The following FRMPD2 variants were observed in gnomAD, a reference collection of about 807,000 sequenced individuals.
The protein encoded by FRMPD2 is FERM and PDZ domain-containing protein 2.
In FRMPD2, 96 loss-of-function variants were observed where a neutral mutation model predicts 140.1. That is an observed-to-expected ratio of 0.69 (90% CI 0.58 to 0.81). FRMPD2 has a LOEUF of 0.81. FRMPD2 is among the 40% of genes least tolerant of loss of function. The pLI is 0.00. For synonymous variants in FRMPD2, 449 were observed against 547.6 expected, an observed-to-expected ratio of 0.82 and a Z score of 2.52; for missense variants, 1,240 against 1,447.4, an observed-to-expected ratio of 0.86 and a Z score of 2.32.
rs767590164 is a variant in FRMPD2 at position 48,192,765 on chromosome 10, G to A, written c.2084C>T (p.Ala695Val). Reference protein sequence around the residue: ...ELFVSRLQGAAGGLLSTSMDN... With the variant: ...ELFVSRLQGAVGGLLSTSMDN... ...CATTGATGTACTCAGCAGGCCTCCTGCAGCACCCTGAAGCCTGGATACAAA... is the reference window on the plus strand; with the variant it reads ...CATTGATGTACTCAGCAGGCCTCCTACAGCACCCTGAAGCCTGGATACAAA... The change falls in exon 16 of 29, where the codon GCA becomes GTA. Residue 695 changes from alanine (A) to valine (V), a missense_variant. By Grantham distance (64) the Ala-to-Val change is moderately conservative. Transcript: ENST00000374201. 1.2e-6 allele frequency: 2 copies of A among 1,614,124 alleles called. No individual in the cohort carries two copies. The highest frequency in any genetic ancestry group is 3.3e-5 in the Admixed American group (2 of 60,016).
rs1207933175 is a variant in FRMPD2, at chr10:48,274,624, G to T, written c.-57C>A. The T allele has an allele frequency of 1.9e-6, 3 of 1,556,928 alleles. No homozygotes were observed. The highest frequency in any genetic ancestry group is 2.7e-5 in the African/African-American group (2 of 73,616). On this transcript the variant is annotated 5_prime_UTR_variant, in exon 1 of 29. Transcript: ENST00000374201. ...CATCATGGGACAACTTTCCAACAAGGAGCAGGGGTCTCTTGCAAGTCTGTC... is the reference window on the plus strand; with the variant it reads ...CATCATGGGACAACTTTCCAACAAGTAGCAGGGGTCTCTTGCAAGTCTGTC...
rs35165586 is a variant in FRMPD2 at position 48,181,858 on chromosome 10, C to CATATATATAT, written c.2585-860_2585-851dup. 6.7e-3 allele frequency among the ~76,000 whole-genome samples: 536 copies of CATATATATAT among 79,776 alleles called. 32 individuals are homozygous for CATATATATAT. Among genetic ancestry groups the CATATATATAT allele is most frequent in the African/African-American group, 0.019 (441 of 23,074 alleles). 52.3% of individuals were successfully genotyped at this position (79,776 alleles called of 152,430 possible). A position where few individuals can be genotyped will look rare whatever the true frequency, so the allele number is the denominator to read the frequency against. On this transcript the variant is annotated intron_variant, in intron 20 of 28. Coordinates refer to ENST00000374201, the MANE Select transcript of FRMPD2 (RefSeq NM_001018071.4). Reference sequence around the variant, plus strand: ...ATATATGAAAGAATATATATTCCCTCATATATATATATATATATATGGCTC... The same window carrying CATATATATAT: ...ATATATGAAAGAATATATATTCCCTCATATATATATATATATATATATATATATATGGCTC...
At chr10:48,268,438 T>C (rs1182161329) in intron 1 of FRMPD2, among the ~76,000 whole-genome samples, 5 of 152,246 alleles carry the variant, frequency 3.3e-5, no homozygotes, top group African/African-American at 1.2e-4. Context: ...CAAAGCTGCA[T>C]GTGAACGTGT....
At chr10:48,232,040 A>G (rs1839858802) in intron 10 of FRMPD2, 75 bp downstream of exon 10, 1 of 1,393,190 alleles carries the variant, frequency 7.2e-7, no homozygotes, top group Non-Finnish European at 1.0e-6. Flanking sequence ...CCCAGAAGAA[A>G]CAGAGCTCAG....
chr10:48,252,909 C>G (rs1370395856), intron 1 of FRMPD2, among the ~76,000 whole-genome samples: 1 of 149,524 alleles, frequency 6.7e-6, no homozygotes, highest in Non-Finnish European at 1.5e-5. Context: ...CTTTCCTTTT[C>G]TTTCGTTTTT....
At chr10:48,242,407 G>T in intron 4 of FRMPD2, 55 bp from the exon 5 acceptor site, 2 of 1,508,140 alleles carry the variant, frequency 1.3e-6, no homozygotes, top group South Asian at 1.2e-5. Flanking sequence ...GCCACTACGA[G>T]GCCAGCACCT....
chr10:48,189,408 C>G (rs967141905), intron 16 of FRMPD2, among the ~76,000 whole-genome samples: 1 of 152,214 alleles, frequency 6.6e-6, no homozygotes, highest in Admixed American at 6.5e-5. Context: ...CTGTACCTCA[C>G]GGCAGGCAGC....
intron 9 of FRMPD2, among the ~76,000 whole-genome samples, chr10:48,235,328 T>C (rs930195271): frequency 2.0e-5 from 3 of 152,214 alleles, no homozygotes; most frequent in Non-Finnish European, 4.4e-5. Flanking sequence ...GCTGCATAAA[T>C]TGATGCAGCT....
At chr10:48,188,530 G>A (rs12359475) in intron 16 of FRMPD2, among the ~76,000 whole-genome samples, 27,244 of 152,212 alleles carry the variant, frequency 0.18, 3,135 homozygotes, top group Non-Finnish European at 0.26. Context: ...GTAAAGGGTG[G>A]GTCAGGCATG....
At chr10:48,223,339 C>T in intron 10 of FRMPD2, 69 bp from the exon 11 acceptor site, 1 of 1,481,580 alleles carries the variant, frequency 6.7e-7, no homozygotes, top group Non-Finnish European at 9.2e-7. Context: ...AGACTCATAG[C>T]CCTAAGCCCT....
intron 5 of FRMPD2, among the ~76,000 whole-genome samples, chr10:48,241,752 AG>A (rs2131947779): frequency 6.6e-6 from 1 of 152,316 alleles, no homozygotes; most frequent in South Asian, 2.1e-4. Context: ...AGCAGAGGGG[AG>A]GGTACCCAGG....
In FRMPD2 at chr10:48,244,864, A is replaced by G. The variant is rs1197020726; in HGVS notation, c.310-15T>C. ...TAGACATGCATCTGCCCAAAAGAAG[A>G]GTACATGATTAGATTTCAATCATCT... On this transcript the variant is annotated splice_polypyrimidine_tract_variant and intron_variant, in intron 3 of 28. Coordinates refer to ENST00000374201, the MANE Select transcript of FRMPD2 (RefSeq NM_001018071.4). 1 of 1,579,990 alleles carries G rather than the reference A, an allele frequency of 6.3e-7. No homozygotes were observed. Among genetic ancestry groups the G allele is most frequent in the Non-Finnish European group, 8.7e-7 (1 of 1,148,978 alleles).
chr10:48,184,226 C>T (rs117038308), intron 20 of FRMPD2, among the ~76,000 whole-genome samples: 488 of 151,192 alleles, frequency 3.2e-3, no homozygotes, highest in Non-Finnish European at 5.4e-3. Context: ...ATCCTGGAGC[C>T]GACCCTATCA....
intron 10 of FRMPD2, among the ~76,000 whole-genome samples, chr10:48,227,167 G>A (rs1839742380): frequency 6.6e-6 from 1 of 152,298 alleles, no homozygotes; most frequent in Admixed American, 6.5e-5. Context: ...CATTTGTAAG[G>A]TTGTTCTCTG....
At chr10:48,197,235 A>T (rs1014419460) in intron 15 of FRMPD2, among the ~76,000 whole-genome samples, 1 of 152,188 alleles carries the variant, frequency 6.6e-6, no homozygotes, top group African/African-American at 2.4e-5. Context: ...CACAGCTCCC[A>T]TATGAATTGG....
chr10:48,174,943 A>G lies in FRMPD2; in HGVS notation c.3002T>C (p.Leu1001Pro), dbSNP rs1290586996. 2.8e-6 allele frequency: 2 copies of G among 715,568 alleles called. No homozygotes were observed. The highest frequency in any genetic ancestry group is 3.1e-5 in the South Asian group (2 of 64,500). The allele number at this position is 715,568 out of a possible 1,614,324, so 44.3% of individuals were successfully genotyped here. A position where few individuals can be genotyped will look rare whatever the true frequency, so the allele number is the denominator to read the frequency against. ...GCACAGAATCACTCCATCCACCTGC[A>G]GGAGTCGGTCACCTGGGAAAGGGAT... ...EGQILQGDRL[L>P]QVDGVILCGL... is the part of the protein sequence containing the mutation. Residue 1001 changes from leucine to proline, a missense_variant, in exon 24 of 29, where the codon CTG becomes CCG. By Grantham distance (98) the Leu-to-Pro change is moderately conservative. Coordinates refer to ENST00000374201, the MANE Select transcript of FRMPD2 (RefSeq NM_001018071.4).
intron 7 of FRMPD2, among the ~76,000 whole-genome samples, chr10:48,238,350 G>C (rs1840019216): frequency 6.6e-6 from 1 of 152,188 alleles, no homozygotes; most frequent in South Asian, 2.1e-4. Context: ...GGAGGTACAA[G>C]GCACAGTCGA....
At chr10:48,186,005 G>A (rs1838676476) in intron 17 of FRMPD2, among the ~76,000 whole-genome samples, 3 of 152,222 alleles carry the variant, frequency 2.0e-5, no homozygotes, top group Non-Finnish European at 2.9e-5. Flanking sequence ...ATTAATAATT[G>A]CTGAGAGTCA....
intron 28 of FRMPD2, among the ~76,000 whole-genome samples, chr10:48,159,619 C>T (rs1837879782): frequency 6.6e-6 from 1 of 151,886 alleles, no homozygotes; most frequent in African/African-American, 2.4e-5. Context: ...CCAGGCAGTG[C>T]CCTTCCCCAG....
Sources: gnomAD v4.1 joint callset for allele counts (sites outside exome capture counted in the v4.1 genomes callset) on GRCh38, gnomAD v4.1.1 for gene constraint, MANE v1.5 for transcripts, NCBI Gene and HGNC (gene_info 2026-07-23, HGNC 2026-07-21) for gene names.